The following SHROOM3 variants were observed in gnomAD, a reference collection of about 807,000 sequenced individuals.
The protein encoded by SHROOM3 is protein Shroom3.
In SHROOM3, 47 loss-of-function variants were observed where a neutral mutation model predicts 138.6. The observed-to-expected ratio is 0.34, with a 90% CI of 0.27 to 0.43. The LOEUF is 0.43. Ranked by LOEUF, SHROOM3 falls within the 20% of genes least tolerant of loss-of-function variation. The pLI, the probability that SHROOM3 is intolerant of heterozygous loss-of-function variation, is 1.00. For synonymous variants in SHROOM3, 1,062 were observed against 1,063.3 expected, an observed-to-expected ratio of 1.00 and a Z score of 0.02; for missense variants, 2,491 against 2,596.5, an observed-to-expected ratio of 0.96 and a Z score of 0.88.
At chr4:76,682,692 A>G (rs986265881) in intron 2 of SHROOM3, among the ~76,000 whole-genome samples, 3 of 152,224 alleles carry the variant, frequency 2.0e-5, no homozygotes, top group African/African-American at 7.2e-5. Context: ...GCTATTTTGA[A>G]ACTTCCTGAA....
chr4:76,441,763 C>T (rs1730696201), intron 1 of SHROOM3, among the ~76,000 whole-genome samples: 1 of 152,100 alleles, frequency 6.6e-6, no homozygotes, highest in Non-Finnish European at 1.5e-5. Context: ...GCTCTTGTTG[C>T]CCAGGCTGGA....
At chr4:76,456,257 G>A (rs1231418813) in intron 1 of SHROOM3, among the ~76,000 whole-genome samples, 2 of 151,998 alleles carry the variant, frequency 1.3e-5, no homozygotes, top group African/African-American at 2.4e-5. Flanking sequence ...CACCTGCCTC[G>A]GCCTCCCAAA....
At chr4:76,691,721 A>G (rs1053419172) in intron 2 of SHROOM3, among the ~76,000 whole-genome samples, 1 of 151,966 alleles carries the variant, frequency 6.6e-6, no homozygotes, top group African/African-American at 2.4e-5. Flanking sequence ...TCCACTTTTA[A>G]CCTAGTGTTA....
At chr4:76,487,110 G>T (rs928806938) in intron 1 of SHROOM3, among the ~76,000 whole-genome samples, 1 of 152,038 alleles carries the variant, frequency 6.6e-6, no homozygotes, top group Admixed American at 6.6e-5. Context: ...TCTTGCCCCA[G>T]CTCCTGGCAA....
chr4:76,591,697 C>A (rs536578705), intron 2 of SHROOM3, among the ~76,000 whole-genome samples: 28 of 134,726 alleles, frequency 2.1e-4, no homozygotes, highest in African/African-American at 6.7e-4. Context: ...CGCCAACCTA[C>A]CCGGAAAGGG....
At chr4:76,487,009 T>C (rs772917313) in intron 1 of SHROOM3, among the ~76,000 whole-genome samples, 26 of 152,134 alleles carry the variant, frequency 1.7e-4, no homozygotes, top group Non-Finnish European at 3.1e-4. Flanking sequence ...GTAGTGCAAC[T>C]ATCACCACGA....
At chr4:76,603,765 A>T (rs1203345491) in intron 2 of SHROOM3, among the ~76,000 whole-genome samples, 1 of 147,918 alleles carries the variant, frequency 6.8e-6, no homozygotes, top group Non-Finnish European at 1.5e-5. Flanking sequence ...CTGGTGTGTG[A>T]TGTTCCCCTC....
chr4:76,440,562 C>A (rs562970035), intron 1 of SHROOM3, among the ~76,000 whole-genome samples: 33 of 152,282 alleles, frequency 2.2e-4, no homozygotes, highest in African/African-American at 7.9e-4. Flanking sequence ...ACTGCTCAGT[C>A]AACTGCTTTA....
At chr4:76,546,953 A>T (rs1733233374) in intron 1 of SHROOM3, among the ~76,000 whole-genome samples, 1 of 152,254 alleles carries the variant, frequency 6.6e-6, no homozygotes, top group African/African-American at 2.4e-5. Flanking sequence ...TTTAATGTTA[A>T]TTAAAACTCC....
At chr4:76,749,651 C>T (rs1721557357) in intron 6 of SHROOM3, among the ~76,000 whole-genome samples, 1 of 152,016 alleles carries the variant, frequency 6.6e-6, no homozygotes, top group Non-Finnish European at 1.5e-5. Flanking sequence ...CTGTAAGCAT[C>T]GGAGGTGAAA....
intron 1 of SHROOM3, among the ~76,000 whole-genome samples, chr4:76,483,064 C>T (rs1378556281): frequency 6.6e-6 from 1 of 152,072 alleles, no homozygotes; most frequent in Non-Finnish European, 1.5e-5. Context: ...AAAACCTAGG[C>T]AATACCATTC....
In SHROOM3 at chr4:76,749,119, G is replaced by A. The variant is rs1578016630; in HGVS notation, c.3827+29G>A. 5.1e-6 allele frequency: 8 copies of A among 1,572,988 alleles called. No individual in the cohort carries two copies. The East Asian group carries it at 1.8e-4, about 35-fold the overall frequency. The stretch of plus-strand genomic sequence containing the variant: ...TGTACATGTACTTATGATGCTCTCT[G>A]CATATGAATGCTGCTGGTGTTAAAC... On this transcript the variant is annotated intron_variant, in intron 6 of 10. Transcript: ENST00000296043.
intron 3 of SHROOM3, among the ~76,000 whole-genome samples, chr4:76,723,291 G>A (rs1346333588): frequency 6.6e-6 from 1 of 151,890 alleles, no homozygotes; most frequent in Non-Finnish European, 1.5e-5. Flanking sequence ...TATACCATCT[G>A]CTCTTCACTC....
At chr4:76,628,694 A>G (rs1735217237) in intron 2 of SHROOM3, among the ~76,000 whole-genome samples, 1 of 152,236 alleles carries the variant, frequency 6.6e-6, no homozygotes, top group African/African-American at 2.4e-5. Context: ...AGTAATTTAC[A>G]TGAATCTATA....
At chr4:76,730,289 T>C (rs1232802928) in intron 3 of SHROOM3, among the ~76,000 whole-genome samples, 3 of 152,240 alleles carry the variant, frequency 2.0e-5, no homozygotes, top group Non-Finnish European at 2.9e-5. Flanking sequence ...CTGAGGTTGC[T>C]GCTAATGTTT....
intron 2 of SHROOM3, among the ~76,000 whole-genome samples, chr4:76,571,691 T>C (rs1679983292): frequency 6.6e-6 from 1 of 152,228 alleles, no homozygotes; most frequent in South Asian, 2.1e-4. Flanking sequence ...CAGTTTGTTC[T>C]GTGATTTTAT....
intron 1 of SHROOM3, among the ~76,000 whole-genome samples, chr4:76,526,983 A>G (rs981965723): frequency 2.0e-5 from 3 of 152,172 alleles, no homozygotes; most frequent in East Asian, 1.9e-4. Context: ...TTAGTTTTAT[A>G]TAAGAGCTAA....
chr4:76,504,149 G>A lies in SHROOM3; in HGVS notation c.169-51460G>A, dbSNP rs188913736. 1.2e-3 allele frequency among the ~76,000 whole-genome samples: 182 copies of A among 152,136 alleles called. 1 individual carries two copies. Among genetic ancestry groups the A allele is most frequent in the Middle Eastern group, 3.4e-3 (1 of 294 alleles). ...TCCCAGATGTGTTGAGAGAGAAGCC[G>A]ACTTCTCAAAAAAATTTTTTTTTTT... On this transcript the variant is annotated intron_variant, in intron 1 of 10. Coordinates refer to ENST00000296043, the MANE Select transcript of SHROOM3 (RefSeq NM_020859.4).
chr4:76,673,921 A>G (rs550663091), intron 2 of SHROOM3, among the ~76,000 whole-genome samples: 1 of 152,204 alleles, frequency 6.6e-6, no homozygotes, highest in Non-Finnish European at 1.5e-5. Context: ...TGCCTAAGCT[A>G]GACTGCAGTG....
Sources: gnomAD v4.1 joint callset for allele counts (sites outside exome capture counted in the v4.1 genomes callset) on GRCh38, gnomAD v4.1.1 for gene constraint, MANE v1.5 for transcripts, NCBI Gene and HGNC (gene_info 2026-07-23, HGNC 2026-07-21) for gene names.